Variants in GRIN2B observed in about 807,000 individuals in gnomAD.
GRIN2B encodes the protein glutamate receptor ionotropic, NMDA 2B.
In GRIN2B, 5 loss-of-function variants were observed where a neutral mutation model predicts 114.5. That is an observed-to-expected ratio of 0.04 (90% CI 0.02 to 0.09). The LOEUF is 0.09. GRIN2B is among the 10% of genes least tolerant of loss of function. The pLI, the probability that GRIN2B is intolerant of heterozygous loss-of-function variation, is 1.00. For synonymous variants in GRIN2B, 787 were observed against 745.1 expected (o/e 1.06, Z -0.92); for missense variants, 1,108 against 1,943.5 (o/e 0.57, Z 8.08).
chr12:13,648,556 T>C (rs546381881), intron 5 of GRIN2B, among the ~76,000 whole-genome samples: 14 of 151,910 alleles, frequency 9.2e-5, no homozygotes, highest in Non-Finnish European at 1.8e-4. Flanking sequence ...GATTTAAAAT[T>C]TCCTCCCACT....
chr12:13,704,438 T>C (rs1950340803), intron 4 of GRIN2B, among the ~76,000 whole-genome samples: 1 of 152,134 alleles, frequency 6.6e-6, no homozygotes, highest in Non-Finnish European at 1.5e-5. Context: ...TCAAACCAAA[T>C]CCTGACACAC....
chr12:13,855,240 G>C (rs556032572), intron 3 of GRIN2B, among the ~76,000 whole-genome samples: 1 of 151,990 alleles, frequency 6.6e-6, no homozygotes, highest in African/African-American at 2.4e-5. Context: ...AGACAAAAGA[G>C]AGAAAAGAGA....
chr12:13,964,485 G>T (rs1231675696), intron 2 of GRIN2B, among the ~76,000 whole-genome samples: 1 of 152,222 alleles, frequency 6.6e-6, no homozygotes, highest in Non-Finnish European at 1.5e-5. Context: ...AGGAAAAGCT[G>T]TTCTCCAAAG....
chr12:13,606,406 G>T (rs893226356), intron 10 of GRIN2B, among the ~76,000 whole-genome samples: 1 of 152,100 alleles, frequency 6.6e-6, no homozygotes, highest in Non-Finnish European at 1.5e-5. Context: ...TTAACAATCA[G>T]CTGTTGGGGG....
At chr12:13,888,217 C>A (rs1866197982) in intron 2 of GRIN2B, among the ~76,000 whole-genome samples, 1 of 152,094 alleles carries the variant, frequency 6.6e-6, no homozygotes, top group Non-Finnish European at 1.5e-5. Context: ...GCAATTTCAT[C>A]ATTGTGTGAA....
intron 3 of GRIN2B, among the ~76,000 whole-genome samples, chr12:13,834,888 A>C (rs756908526): frequency 1.3e-5 from 2 of 151,910 alleles, no homozygotes; most frequent in African/African-American, 4.8e-5. Flanking sequence ...ATTACATCAG[A>C]CTCTTTATGG....
At chr12:13,748,735 G>A (rs1013818968) in intron 4 of GRIN2B, among the ~76,000 whole-genome samples, 4 of 152,060 alleles carry the variant, frequency 2.6e-5, no homozygotes, top group Non-Finnish European at 5.9e-5. Flanking sequence ...TATTAATAAG[G>A]CACAAATGAA....
At position 13,573,218 on chromosome 12, in the gene GRIN2B, G is replaced by A. The variant is rs566134895; in HGVS notation, c.2011-1254C>T. 8.7e-5 allele frequency among the ~76,000 whole-genome samples: 13 copies of A among 149,454 alleles called. 3 individuals are homozygous for A. The highest frequency in any genetic ancestry group is 2.1e-4 in the South Asian group (1 of 4,794). Reference sequence around the variant, plus strand: ...TGTAATCCCAGCACTTTGGGAGGCCGAGGCGGGCGGATCACGAGGTCAGGA... The same window carrying A: ...TGTAATCCCAGCACTTTGGGAGGCCAAGGCGGGCGGATCACGAGGTCAGGA... On this transcript the variant is annotated intron_variant, in intron 10 of 13. Coordinates refer to ENST00000609686, the MANE Select transcript of GRIN2B (RefSeq NM_000834.5).
At chr12:13,786,428 C>G (rs1434216085) in intron 3 of GRIN2B, among the ~76,000 whole-genome samples, 1 of 152,202 alleles carries the variant, frequency 6.6e-6, no homozygotes, top group Non-Finnish European at 1.5e-5. Flanking sequence ...TTCTATCCTA[C>G]TTTATGCACT....
chr12:13,608,915 C>A (rs1949323643), intron 9 of GRIN2B, 83 bp from the exon 10 acceptor site: 1 of 975,890 alleles, frequency 1.0e-6, no homozygotes, highest in African/African-American at 1.6e-5. Context: ...GGGTGAGTCC[C>A]TGCTCAGAGC....
chr12:13,980,902 A>G (rs10672327), intron 1 of GRIN2B, among the ~76,000 whole-genome samples: 3 of 151,066 alleles, frequency 2.0e-5, no homozygotes, highest in African/African-American at 4.8e-5. Flanking sequence ...TGACGCGCGC[A>G]CACACGCCCC....
intron 3 of GRIN2B, among the ~76,000 whole-genome samples, chr12:13,761,298 CTGAG>C (rs1336217401): frequency 2.6e-5 from 4 of 152,216 alleles, no homozygotes; most frequent in Non-Finnish European, 5.9e-5. Context: ...TCCTCCCTGA[CTGAG>C]TCTCTCTTCG....
At position 13,632,740 on chromosome 12, in the gene GRIN2B, CG is replaced by C. The variant is rs530039435; in HGVS notation, c.1126-16084del. Among the ~76,000 whole-genome samples, 343 of 152,158 alleles carry C rather than the reference CG, an allele frequency of 2.3e-3. 1 individual carries two copies. Among genetic ancestry groups the C allele is most frequent in the African/African-American group, 7.8e-3 (324 of 41,504 alleles). ...CAAAGGTAGACAAGGTGGGATTCCA[CG>C]GGGAGGGAGGGTGTGCAGGTAGACT... On this transcript the variant is annotated intron_variant, in intron 5 of 13. Transcript: ENST00000609686.
chr12:13,780,189 A>C (rs959343272), intron 3 of GRIN2B, among the ~76,000 whole-genome samples: 13 of 152,196 alleles, frequency 8.5e-5, no homozygotes, highest in Admixed American at 8.5e-4. Context: ...AAGTAACACA[A>C]AAGTAAATTC....
At chr12:13,850,865 C>T (rs567453317) in intron 3 of GRIN2B, among the ~76,000 whole-genome samples, 22 of 152,062 alleles carry the variant, frequency 1.4e-4, no homozygotes, top group African/African-American at 4.8e-4. Context: ...ATTAATAGTG[C>T]GGGCCAGTTG....
At chr12:13,822,055 T>C (rs1864949698) in intron 3 of GRIN2B, among the ~76,000 whole-genome samples, 2 of 152,280 alleles carry the variant, frequency 1.3e-5, no homozygotes, top group South Asian at 2.1e-4. Context: ...ACAATTTCAT[T>C]TCCTCTGCTT....
chr12:13,805,530 A>G (rs1204911944), intron 3 of GRIN2B, among the ~76,000 whole-genome samples: 3 of 152,206 alleles, frequency 2.0e-5, no homozygotes, highest in Non-Finnish European at 4.4e-5. Flanking sequence ...CTAAGAAACA[A>G]TAAGCTGGCA....
In GRIN2B at chr12:13,564,921, G is replaced by T. The variant is rs189375932; in HGVS notation, c.2599-282C>A. Among the ~76,000 whole-genome samples the T allele has an allele frequency of 6.6e-6, 1 of 152,284 alleles. No homozygotes were observed. The highest frequency in any genetic ancestry group is 2.4e-5 in the African/African-American group (1 of 41,552). On this transcript the variant is annotated intron_variant, in intron 13 of 13. Transcript: ENST00000609686. The surrounding 1 kb of genome is among the most constrained non-coding windows in gnomAD (Gnocchi z 4.8). The stretch of plus-strand genomic sequence containing the variant: ...AAAGGGACTGGAATCATAAGATATG[G>T]CATTTTTGCCTCAGCTTCACTGTTG...
intron 5 of GRIN2B, among the ~76,000 whole-genome samples, chr12:13,639,970 G>T (rs1313196085): frequency 1.3e-5 from 2 of 152,050 alleles, no homozygotes; most frequent in Non-Finnish European, 2.9e-5. Context: ...TGAAAAAATA[G>T]AGATGTTGAA....
Sources: allele counts gnomAD v4.1 joint callset (sites outside exome capture counted in the v4.1 genomes callset), GRCh38; gene constraint gnomAD v4.1.1; non-coding constraint Gnocchi (gnomAD v3.1); transcripts MANE v1.5; gene names NCBI Gene and HGNC (gene_info 2026-07-23, HGNC 2026-07-21).